KCNN2: variants seen among roughly 807,000 people sequenced by gnomAD.
The protein encoded by KCNN2 is small conductance calcium-activated potassium channel protein 2.
A neutral mutation model predicts 55.5 loss-of-function variants in KCNN2; 24 were observed. The ratio of observed to expected loss-of-function variants is 0.43; its 90% CI spans 0.31 to 0.61. The LOEUF (loss-of-function observed/expected upper bound fraction) is 0.61. Ranked by LOEUF, KCNN2 falls within the 20% of genes least tolerant of loss-of-function variation. The pLI, the probability that KCNN2 is intolerant of heterozygous loss-of-function variation, is 0.08. For missense variants in KCNN2, 754 were observed against 853.6 expected, an observed-to-expected ratio of 0.88 and a Z score of 1.45; for synonymous variants, 431 against 336.1, an observed-to-expected ratio of 1.28 and a Z score of -3.09.
chr5:114,090,680 G>T (rs1234334506), intron 1 of KCNN2, among the ~76,000 whole-genome samples: 1 of 151,912 alleles, frequency 6.6e-6, no homozygotes, highest in South Asian at 2.1e-4. Flanking sequence ...TTTGAATAGA[G>T]CTTTATGGCT....
chr5:114,330,998 A>C (rs1286383338), intron 2 of KCNN2, among the ~76,000 whole-genome samples: 1 of 152,178 alleles, frequency 6.6e-6, no homozygotes, highest in Admixed American at 6.5e-5. Flanking sequence ...CCACCTTATC[A>C]CTGTGAATGA....
chr5:114,294,097 G>A (rs942505009), intron 2 of KCNN2, among the ~76,000 whole-genome samples: 1 of 151,464 alleles, frequency 6.6e-6, no homozygotes, highest in Non-Finnish European at 1.5e-5. Flanking sequence ...TTCTTTATTA[G>A]TCTTGCTAGC....
chr5:114,072,956 C>T (rs969878419), intron 1 of KCNN2, among the ~76,000 whole-genome samples: 1 of 152,046 alleles, frequency 6.6e-6, no homozygotes, highest in Non-Finnish European at 1.5e-5. Context: ...CTCTTACCTG[C>T]CATTTTATGC....
intron 2 of KCNN2, among the ~76,000 whole-genome samples, chr5:114,317,875 T>A (rs1756530083): frequency 6.6e-6 from 1 of 152,256 alleles, no homozygotes; most frequent in Admixed American, 6.5e-5. Flanking sequence ...GCAACGTGCC[T>A]GCCCATCTTC....
rs1759698030 is a variant in KCNN2, at chr5:114,428,657, T to C, written c.1637+23801T>C. ...TGGTTTTTAATTTCTCAAGAAATAA[T>C]CTTTTCATACAGTGAATATATCCAC... On this transcript the variant is annotated intron_variant, in intron 3 of 7. Transcript: ENST00000673685. 1.3e-5 allele frequency among the ~76,000 whole-genome samples: 2 copies of C among 152,146 alleles called. 1 individual carries two copies. Among genetic ancestry groups the C allele is most frequent in the Non-Finnish European group, 2.9e-5 (2 of 67,970 alleles).
chr5:114,266,528 A>G (rs1755210354), intron 2 of KCNN2, among the ~76,000 whole-genome samples: 1 of 152,130 alleles, frequency 6.6e-6, no homozygotes, highest in Non-Finnish European at 1.5e-5. Context: ...CATTGTTAGA[A>G]GGTTATCTGT....
At chr5:114,163,170 T>G (rs1286400089) in intron 1 of KCNN2, among the ~76,000 whole-genome samples, 1 of 152,178 alleles carries the variant, frequency 6.6e-6, no homozygotes, top group Non-Finnish European at 1.5e-5. Flanking sequence ...TCTTAAGCTG[T>G]TTGTTTAGGA....
At chr5:114,465,324 A>C (rs1761390704) in intron 4 of KCNN2, among the ~76,000 whole-genome samples, 1 of 152,010 alleles carries the variant, frequency 6.6e-6, no homozygotes, top group Admixed American at 6.6e-5. Context: ...TAAAAAAGAG[A>C]GGTTATGGCC....
At chr5:114,085,010 G>T (rs1359773221) in intron 1 of KCNN2, among the ~76,000 whole-genome samples, 1 of 149,494 alleles carries the variant, frequency 6.7e-6, no homozygotes, top group African/African-American at 2.5e-5. Flanking sequence ...CTTCCATTGA[G>T]ATATATATAT....
chr5:114,164,802 A>C (rs116357386), intron 1 of KCNN2, among the ~76,000 whole-genome samples: 2,729 of 152,298 alleles, frequency 0.018, 79 homozygotes, highest in African/African-American at 0.061. Flanking sequence ...TCATAATTGT[A>C]ATTAAATAAA....
At chr5:114,121,210 CCT>C (rs1751824393) in intron 1 of KCNN2, among the ~76,000 whole-genome samples, 1 of 152,190 alleles carries the variant, frequency 6.6e-6, no homozygotes, top group Non-Finnish European at 1.5e-5. Context: ...GGAATTTGCA[CCT>C]ATGGTATCAT....
intron 2 of KCNN2, among the ~76,000 whole-genome samples, chr5:114,312,031 A>T (rs918083630): frequency 1.3e-5 from 2 of 152,134 alleles, no homozygotes; most frequent in East Asian, 1.9e-4. Flanking sequence ...ACTTCTTTTC[A>T]TATCAGTGAA....
intron 3 of KCNN2, among the ~76,000 whole-genome samples, chr5:114,461,792 T>G (rs1464735785): frequency 1.3e-5 from 2 of 150,780 alleles, no homozygotes; most frequent in Non-Finnish European, 2.9e-5. Flanking sequence ...GGGCTAATCC[T>G]GGGGCTCTGG....
chr5:114,253,646 A>C (rs1754924861), intron 2 of KCNN2: 1 of 152,580 alleles, frequency 6.6e-6, no homozygotes. Flanking sequence ...TGCTTGGTTG[A>C]AGAGGACGAC....
rs774802590 is a variant in KCNN2, at chr5:114,226,018, G to C, written c.-185+4453G>C. On this transcript the variant is annotated intron_variant, in intron 2 of 10. Coordinates refer to the KCNN2 transcript ENST00000512097. Reference sequence around the variant, plus strand: ...TTATTGAAAACAAAGAACTATCCGGGACTAAAATCCCCAAAGATCTCACAG... The same window carrying C: ...TTATTGAAAACAAAGAACTATCCGGCACTAAAATCCCCAAAGATCTCACAG... Among the ~76,000 whole-genome samples, 12 of 152,124 alleles carry C rather than the reference G, an allele frequency of 7.9e-5. 1 individual carries two copies. Among genetic ancestry groups the C allele is most frequent in the Non-Finnish European group, 1.8e-4 (12 of 67,998 alleles).
chr5:114,333,135 T>C (rs917456754), intron 2 of KCNN2, among the ~76,000 whole-genome samples: 1 of 152,068 alleles, frequency 6.6e-6, no homozygotes, highest in Non-Finnish European at 1.5e-5. Context: ...ATAGAGCACA[T>C]GAAAGAAGTG....
intron 1 of KCNN2, among the ~76,000 whole-genome samples, chr5:114,113,214 TAA>T (rs1048734667): frequency 1.3e-5 from 2 of 152,054 alleles, no homozygotes; most frequent in Admixed American, 1.3e-4. Flanking sequence ...CAGGATGAGT[TAA>T]AGTCTCTCTT....
At chr5:114,135,868 T>A (rs1162841471) in intron 1 of KCNN2, among the ~76,000 whole-genome samples, 2 of 152,030 alleles carry the variant, frequency 1.3e-5, no homozygotes, top group Non-Finnish European at 2.9e-5. Flanking sequence ...AGAGAAAAGC[T>A]CTTGGAAATT....
intron 2 of KCNN2, among the ~76,000 whole-genome samples, chr5:114,280,063 T>C (rs867433231): frequency 1.1e-4 from 16 of 152,218 alleles, no homozygotes; most frequent in African/African-American, 3.6e-4. Flanking sequence ...ATGATGAGCA[T>C]TTTTTCATGT....
Sources: allele counts gnomAD v4.1 joint callset (sites outside exome capture counted in the v4.1 genomes callset), GRCh38; gene constraint gnomAD v4.1.1; transcripts MANE v1.5; gene names NCBI Gene and HGNC (gene_info 2026-07-23, HGNC 2026-07-21).